Variants in EPB42 observed in about 807,000 individuals in gnomAD.
EPB42 encodes the protein erythrocyte membrane protein band 4.2.
A neutral mutation model predicts 76.9 loss-of-function variants in EPB42; 49 were observed. The observed-to-expected ratio is 0.64, with a 90% CI of 0.51 to 0.81. EPB42 has a LOEUF of 0.81. Ranked by LOEUF, EPB42 falls within the 30% of genes least tolerant of loss-of-function variation. The probability of loss-of-function intolerance (pLI) is 0.00; values close to 1 mark genes in which losing one functional copy is unlikely to be tolerated. For synonymous variants in EPB42, 310 were observed against 338.4 expected (o/e 0.92, Z 0.92); for missense variants, 731 against 867.6 (o/e 0.84, Z 1.98).
chr15:43,205,886 G>C (rs1247388872), intron 10 of EPB42: 2 of 160,236 alleles, frequency 1.2e-5, no homozygotes, highest in Admixed American at 1.2e-4. Flanking sequence ...GACCAATTAA[G>C]AAAGAACCTC....
At chr15:43,217,553 T>TTTTTG (rs1318053045) in intron 1 of EPB42, among the ~76,000 whole-genome samples, 1 of 152,134 alleles carries the variant, frequency 6.6e-6, no homozygotes, top group African/African-American at 2.4e-5. Context: ...AAAGTTGGTT[T>TTTTTG]TTTTGTTTTG....
At position 43,203,127 on chromosome 15, in the gene EPB42, G is replaced by A; in HGVS notation, c.1767C>T (p.His589=). 6.2e-7 allele frequency: 1 copy of A among 1,614,102 alleles called. No individual in the cohort carries two copies. Among genetic ancestry groups the A allele is most frequent in the Non-Finnish European group, 8.5e-7 (1 of 1,180,024 alleles). ...GACTGGTGCCTACCTTGATGGCAAGGTGTGGTCTACAAATGGCAATGTCTT... is the reference window on the plus strand; with the variant it reads ...GACTGGTGCCTACCTTGATGGCAAGATGTGGTCTACAAATGGCAATGTCTT... ...AQEDIAICRP[H]LAIKMPEKAE... Residue 589 remains histidine (H), a synonymous_variant, in exon 11 of 13, where the codon CAC becomes CAT. Coordinates refer to ENST00000441366, the MANE Select transcript of EPB42 (RefSeq NM_001114134.2).
At position 43,210,418 on chromosome 15, in the gene EPB42, G is replaced by T. The variant is rs776301800; in HGVS notation, c.571C>A (p.Leu191Ile). Residue 191 changes from leucine (L) to isoleucine (I), a missense_variant, in exon 5 of 13, where the codon CTC becomes ATC. By Grantham distance (5) the Leu-to-Ile change is conservative (BLOSUM62 2). Transcript: ENST00000441366. The stretch of plus-strand genomic sequence containing the variant: ...TCCTTGCTCAGCAAGCGCAGGCTGA[G>T]GTCAATGACATCCCCCTCGAACTGT... ...FGQFEGDVIDLSLRLLSKDKQ... is the reference protein window; with the variant it reads ...FGQFEGDVIDISLRLLSKDKQ... 8.7e-6 allele frequency: 14 copies of T among 1,613,808 alleles called. No individual in the cohort carries two copies. The highest frequency in any genetic ancestry group is 1.2e-5 in the Non-Finnish European group (14 of 1,179,976).
At chr15:43,203,356 G>A in intron 10 of EPB42, 81 bp from the exon 11 acceptor site, 1 of 1,567,736 alleles carries the variant, frequency 6.4e-7, no homozygotes, top group Non-Finnish European at 8.7e-7. Context: ...ACAATACAAA[G>A]GACTCAGGGC....
chr15:43,208,721 T>C lies in EPB42; in HGVS notation c.887A>G (p.Gln296Arg), dbSNP rs763375062. ...ARVVTTFASA[Q>R]GTGGRLLIDE... Reference sequence around the variant, plus strand: ...TATGAGAAGACGCCCACCGGTGCCCTGTGCTGAGGCAAACGTGGTCACCAC... The same window carrying C: ...TATGAGAAGACGCCCACCGGTGCCCCGTGCTGAGGCAAACGTGGTCACCAC... Residue 296 changes from glutamine (Q) to arginine (R), a missense_variant, in exon 7 of 13, where the codon CAG becomes CGG. Coordinates refer to ENST00000441366, the MANE Select transcript of EPB42 (RefSeq NM_001114134.2). 1.2e-6 allele frequency: 2 copies of C among 1,614,074 alleles called. No individual in the cohort carries two copies. Among genetic ancestry groups the C allele is most frequent in the East Asian group, 2.2e-5 (1 of 44,898 alleles).
At position 43,201,184 on chromosome 15, in the gene EPB42, CAG is replaced by C. The variant is rs544920111; in HGVS notation, c.1913+658_1913+659del. Reference sequence around the variant, plus strand: ...TGCACTGCAACATTATTTGCAGTGTCAGAGAGTTGGAGGCACTCTGGGTGCCC... The same window carrying C: ...TGCACTGCAACATTATTTGCAGTGTCAGAGTTGGAGGCACTCTGGGTGCCC... On this transcript the variant is annotated intron_variant, in intron 12 of 12. Coordinates refer to ENST00000441366, the MANE Select transcript of EPB42 (RefSeq NM_001114134.2). 2.0e-3 allele frequency among the ~76,000 whole-genome samples: 299 copies of C among 152,190 alleles called. 2 individuals are homozygous for C. Among genetic ancestry groups the C allele is most frequent in the African/African-American group, 6.7e-3 (279 of 41,532 alleles).
At position 43,206,245 on chromosome 15, in the gene EPB42, G is replaced by C. The variant is rs944028328; in HGVS notation, c.1618+85C>G. Reference sequence around the variant, plus strand: ...AAGCCATCTCTAGAGACTGCAGGGGGTGCCCTGTGGCTGCTGCCTGCCCAA... The same window carrying C: ...AAGCCATCTCTAGAGACTGCAGGGGCTGCCCTGTGGCTGCTGCCTGCCCAA... On this transcript the variant is annotated intron_variant, in intron 10 of 12. Coordinates refer to ENST00000441366, the MANE Select transcript of EPB42 (RefSeq NM_001114134.2). The surrounding 1 kb of genome is among the most constrained non-coding windows in gnomAD (Gnocchi z 4.7). 3 of 1,413,284 alleles carry C rather than the reference G, an allele frequency of 2.1e-6. No individual in the cohort carries two copies. Among genetic ancestry groups the C allele is most frequent in the Non-Finnish European group, 2.9e-6 (3 of 1,047,012 alleles). 87.5% of individuals were successfully genotyped at this position (1,413,284 alleles called of 1,614,324 possible).
chr15:43,206,751 G>T lies in EPB42; in HGVS notation c.1319-122C>A. 1 of 1,243,618 alleles carries T rather than the reference G, an allele frequency of 8.0e-7. No individual in the cohort carries two copies. The highest frequency in any genetic ancestry group is 1.1e-6 in the Non-Finnish European group (1 of 877,812). The allele number at this position is 1,243,618 out of a possible 1,614,324, so 77.0% of individuals were successfully genotyped here. ...CAAATGCCAAAGTCACAAGAACTCAGCAAGCCTCTAAGGCCATATTTAGCC... is the reference window on the plus strand; with the variant it reads ...CAAATGCCAAAGTCACAAGAACTCATCAAGCCTCTAAGGCCATATTTAGCC... On this transcript the variant is annotated intron_variant, in intron 9 of 12. Transcript: ENST00000441366. This position sits in a 1 kb window ranked among gnomAD's most constrained non-coding sequence, Gnocchi z 4.7.
At chr15:43,223,667 T>C (rs556106969), upstream of EPB42, among the ~76,000 whole-genome samples, 2 of 152,296 alleles carry the variant, frequency 1.3e-5, no homozygotes, top group South Asian at 4.2e-4. Flanking sequence ...ATAATACTAG[T>C]GGGAGTGCAA....
intron 10 of EPB42, among the ~76,000 whole-genome samples, chr15:43,204,799 G>A (rs2042175166): frequency 6.6e-6 from 1 of 152,174 alleles, no homozygotes; most frequent in Non-Finnish European, 1.5e-5. Context: ...CTGGATGCAT[G>A]TTAGAATCAA....
upstream of EPB42, among the ~76,000 whole-genome samples, chr15:43,224,326 C>T (rs1405804203): frequency 6.6e-6 from 1 of 152,196 alleles, no homozygotes; most frequent in African/African-American, 2.4e-5. Context: ...CAAATACAGT[C>T]ACATTGGGGG....
In EPB42 at chr15:43,208,322, G is replaced by T; in HGVS notation, c.983C>A (p.Thr328Asn). ...CCGCGTCATCCAGCACTCTGTGGAA[G>T]TCTGGAAGATCCTGAATGCAGCAAA... is the stretch of plus-strand genomic sequence containing the variant. ...GQRGRIWIFQ[T>N]STECWMTRPA... The change falls in exon 8 of 13, where the codon ACT becomes AAT. Residue 328 changes from threonine (T) to asparagine (N), a missense_variant. Physicochemically the swap from Thr to Asn is moderately conservative, Grantham distance 65. Coordinates refer to ENST00000441366, the MANE Select transcript of EPB42 (RefSeq NM_001114134.2). 3 of 1,614,054 alleles carry T rather than the reference G, an allele frequency of 1.9e-6. No homozygotes were observed. The highest frequency in any genetic ancestry group is 2.5e-6 in the Non-Finnish European group (3 of 1,179,940).
chr15:43,219,320 ATCTT>A (rs1352634926), intron 1 of EPB42, among the ~76,000 whole-genome samples: 4 of 152,356 alleles, frequency 2.6e-5, no homozygotes, highest in African/African-American at 9.6e-5. Context: ...AGTACTTATT[ATCTT>A]TCTTTTTAAT....
rs1252327373 is a variant in EPB42, at chr15:43,206,392, T to C, written c.1556A>G (p.Asn519Ser). The C allele has an allele frequency of 1.2e-6, 2 of 1,614,132 alleles. No individual in the cohort carries two copies. The highest frequency in any genetic ancestry group is 3.3e-5 in the Admixed American group (2 of 60,032). The change falls in exon 10 of 13, where the codon AAC becomes AGC. Residue 519 changes from asparagine (N) to serine (S), a missense_variant. Physicochemically the swap from Asn to Ser is conservative, Grantham distance 46. Transcript: ENST00000441366. This position sits in a 1 kb window ranked among gnomAD's most constrained non-coding sequence, Gnocchi z 4.7. ...LAIGVQAVHYNGVLAAKLWRK... is the reference protein window; with the variant it reads ...LAIGVQAVHYSGVLAAKLWRK... ...CCAGAGCTTGGCAGCAAGGACACCG[T>C]TGTAGTGTACAGCCTGGACCCCAAT...
At chr15:43,201,314 AG>A (rs1306132744) in intron 12 of EPB42, among the ~76,000 whole-genome samples, 2 of 152,224 alleles carry the variant, frequency 1.3e-5, no homozygotes, top group East Asian at 3.9e-4. Flanking sequence ...CTGAGTGAAA[AG>A]TAAGAAAGCA....
intron 5 of EPB42, 63 bp downstream of exon 5, chr15:43,210,272 A>T (rs967214409): frequency 1.4e-6 from 2 of 1,420,896 alleles, no homozygotes; most frequent in Non-Finnish European, 2.0e-6. Context: ...GTGGTGGGGC[A>T]GGTCTCTCAG....
chr15:43,217,479 A>G (rs1028181560), intron 1 of EPB42, among the ~76,000 whole-genome samples: 1 of 152,224 alleles, frequency 6.6e-6, no homozygotes, highest in African/African-American at 2.4e-5. Context: ...GAAGAAAAAA[A>G]CAAGGAGTAG....
chr15:43,203,641 C>T (rs1005386240), intron 10 of EPB42, among the ~76,000 whole-genome samples: 4 of 152,126 alleles, frequency 2.6e-5, no homozygotes, highest in African/African-American at 4.8e-5. Context: ...CGCTTTGTCA[C>T]CTTACAGAAG....
At chr15:43,209,503 T>G (rs2042259815) in intron 5 of EPB42, 52 bp from the exon 6 acceptor site, 1 of 1,567,480 alleles carries the variant, frequency 6.4e-7, no homozygotes, top group African/African-American at 1.3e-5. Flanking sequence ...GCAGGACAGC[T>G]TCCAGGGCAT....
Sources: allele counts gnomAD v4.1 joint callset (sites outside exome capture counted in the v4.1 genomes callset), GRCh38; gene constraint gnomAD v4.1.1; non-coding constraint Gnocchi (gnomAD v3.1); transcripts MANE v1.5; gene names NCBI Gene and HGNC (gene_info 2026-07-23, HGNC 2026-07-21).